The following SBF2 variants were observed in gnomAD, a reference collection of about 807,000 sequenced individuals.
SBF2 encodes the protein myotubularin-related protein 13.
A neutral mutation model predicts 225.2 loss-of-function variants in SBF2; 112 were observed. That is an observed-to-expected ratio of 0.50 (90% CI 0.43 to 0.58). The LOEUF is 0.58. Among genes scored for constraint, SBF2 ranks in the 20% least tolerant of loss-of-function variants. The pLI, the probability that SBF2 is intolerant of heterozygous loss-of-function variation, is 0.00. For synonymous variants in SBF2, 763 were observed against 773.3 expected (o/e 0.99, Z 0.22); for missense variants, 1,996 against 2,206.2 (o/e 0.90, Z 1.91).
At chr11:9,921,428 C>T (rs1863624701) in intron 16 of SBF2, among the ~76,000 whole-genome samples, 1 of 152,176 alleles carries the variant, frequency 6.6e-6, no homozygotes, top group South Asian at 2.1e-4. Flanking sequence ...TAATCAGAAA[C>T]TCTGGGTGTG....
intron 1 of SBF2, among the ~76,000 whole-genome samples, chr11:10,236,764 G>C (rs547491750): frequency 6.6e-6 from 1 of 152,080 alleles, no homozygotes; most frequent in Non-Finnish European, 1.5e-5. Context: ...GCCCAGACTC[G>C]AGTCTGTCTC....
chr11:9,856,328 G>C lies in SBF2; in HGVS notation c.2363+130C>G. ...GAAAGAAAAGCTGAGCAAGTCCAAA[G>C]GTGAGGAAAAATGGTTAACTTTTGA... On this transcript the variant is annotated intron_variant, in intron 19 of 39. Coordinates refer to ENST00000256190, the MANE Select transcript of SBF2 (RefSeq NM_030962.4). 4 of 1,191,164 alleles carry C rather than the reference G, an allele frequency of 3.4e-6. No individual in the cohort carries two copies. In the South Asian group the frequency reaches 5.0e-5, roughly 15 times the overall value. 73.8% of individuals were successfully genotyped at this position (1,191,164 alleles called of 1,614,324 possible). A position where few individuals can be genotyped will look rare whatever the true frequency, so the allele number is the denominator to read the frequency against.
intron 6 of SBF2, among the ~76,000 whole-genome samples, chr11:10,026,045 C>G (rs999715247): frequency 1.5e-5 from 2 of 131,516 alleles, no homozygotes; most frequent in Admixed American, 1.5e-4. Context: ...TTTTTTTTTT[C>G]CAGTGGGAAT....
intron 6 of SBF2, among the ~76,000 whole-genome samples, chr11:10,018,801 G>A (rs1427247693): frequency 6.6e-6 from 1 of 152,130 alleles, no homozygotes; most frequent in Non-Finnish European, 1.5e-5. Flanking sequence ...TATAGAACTA[G>A]CATAAATATT....
chr11:10,095,395 A>G (rs566404830), intron 2 of SBF2, among the ~76,000 whole-genome samples: 2 of 152,364 alleles, frequency 1.3e-5, no homozygotes, highest in Non-Finnish European at 2.9e-5. Flanking sequence ...AATGCAAGAT[A>G]TCACTTGCAC....
chr11:10,185,135 C>T (rs1009947421), intron 2 of SBF2, among the ~76,000 whole-genome samples: 1 of 151,748 alleles, frequency 6.6e-6, no homozygotes, highest in Non-Finnish European at 1.5e-5. Context: ...TGTGCGTGCA[C>T]ACGTGTATCA....
intron 16 of SBF2, among the ~76,000 whole-genome samples, chr11:9,927,957 A>G (rs1355581551): frequency 6.6e-6 from 1 of 152,228 alleles, no homozygotes; most frequent in African/African-American, 2.4e-5. Context: ...AATTAAAAAG[A>G]TAAACTAGAA....
At chr11:10,173,856 G>A (rs1239414962) in intron 2 of SBF2, among the ~76,000 whole-genome samples, 1 of 151,452 alleles carries the variant, frequency 6.6e-6, no homozygotes, top group Non-Finnish European at 1.5e-5. Context: ...CCTGACCCCT[G>A]ACCCCCGAGC....
chr11:9,850,992 T>C (rs1856887233), intron 21 of SBF2, among the ~76,000 whole-genome samples: 1 of 151,756 alleles, frequency 6.6e-6, no homozygotes, highest in South Asian at 2.1e-4. Context: ...AAAAATTAGC[T>C]GGGCATGGTG....
chr11:9,794,510 C>A (rs937020130), intron 33 of SBF2, among the ~76,000 whole-genome samples: 4 of 151,248 alleles, frequency 2.6e-5, no homozygotes, highest in Non-Finnish European at 4.4e-5. Flanking sequence ...ACTAAAAATA[C>A]AAAAATTAGC....
intron 1 of SBF2, among the ~76,000 whole-genome samples, chr11:10,255,505 C>T (rs1277546094): frequency 2.0e-5 from 3 of 152,170 alleles, no homozygotes; most frequent in Non-Finnish European, 4.4e-5. Flanking sequence ...AAATAAGTTA[C>T]TGTCAGTTCT....
intron 6 of SBF2, among the ~76,000 whole-genome samples, chr11:10,003,320 T>C (rs1387797373): frequency 2.6e-5 from 4 of 152,164 alleles, no homozygotes; most frequent in Non-Finnish European, 5.9e-5. Flanking sequence ...ATATACACTA[T>C]ATATAGAGAT....
At chr11:10,222,624 T>A (rs562502932) in intron 1 of SBF2, among the ~76,000 whole-genome samples, 1 of 152,198 alleles carries the variant, frequency 6.6e-6, no homozygotes, top group Non-Finnish European at 1.5e-5. Flanking sequence ...CAGAGCCTCA[T>A]GACTGGTCTG....
In SBF2 at chr11:9,790,560, A is replaced by G. The variant is rs1252314607; in HGVS notation, c.4694T>C (p.Ile1565Thr). The change falls in exon 34 of 40, where the codon ATA becomes ACA. Residue 1565 changes from isoleucine (I) to threonine (T), a missense_variant. Coordinates refer to ENST00000256190, the MANE Select transcript of SBF2 (RefSeq NM_030962.4). ...ATAAATGATTTCTTACTCTACCTCT[A>G]TTTCCAATGGTGAATATAAATAATT... is the stretch of plus-strand genomic sequence containing the variant. ...FFNYLYSPLE[I>T]EALKPNVNVS... 1.9e-6 allele frequency: 3 copies of G among 1,584,140 alleles called. No homozygotes were observed. Among genetic ancestry groups the G allele is most frequent in the East Asian group, 2.2e-5 (1 of 44,642 alleles).
rs186201909 is a variant in SBF2, at chr11:9,953,378, G to T, written c.1860+8579C>A. Among the ~76,000 whole-genome samples, 740 of 152,228 alleles carry T rather than the reference G, an allele frequency of 4.9e-3. 5 individuals are homozygous for T. The highest frequency in any genetic ancestry group is 0.017 in the African/African-American group (700 of 41,550). On this transcript the variant is annotated intron_variant, in intron 16 of 39. Coordinates refer to ENST00000256190, the MANE Select transcript of SBF2 (RefSeq NM_030962.4). ...GAATTGCTTAAACCTGGGAGGCAGAGGTTGCAGTGAGCCGAGATCACGCCA... is the reference window on the plus strand; with the variant it reads ...GAATTGCTTAAACCTGGGAGGCAGATGTTGCAGTGAGCCGAGATCACGCCA...
chr11:9,816,091 A>G (rs539105101), intron 29 of SBF2, among the ~76,000 whole-genome samples: 1 of 152,372 alleles, frequency 6.6e-6, no homozygotes, highest in Admixed American at 6.5e-5. Context: ...GTTAACAGAT[A>G]ACTTTCATGT....
rs769911496 is a variant in SBF2 at position 9,968,528 on chromosome 11, A to T, written c.1413T>A (p.His471Gln). The T allele has an allele frequency of 2.5e-5, 41 of 1,613,818 alleles. 1 individual carries two copies. Among genetic ancestry groups the T allele is most frequent in the Non-Finnish European group, 3.4e-6 (4 of 1,179,800 alleles). Residue 471 changes from histidine to glutamine, a missense_variant, in exon 14 of 40, where the codon CAT (histidine) becomes CAA (glutamine). His to Gln is a conservative substitution (Grantham distance 24). Transcript: ENST00000256190. Reference protein sequence around the residue: ...QLFKNENPNPHMAFQKVPRPT... With the variant: ...QLFKNENPNPQMAFQKVPRPT... ...GCCGTGGAACTTTCTGGAATGCCAT[A>T]TGAGGATTTGGATTCTCCTGTAATA...
At chr11:10,052,034 G>A (rs1375501109) in intron 2 of SBF2, among the ~76,000 whole-genome samples, 1 of 152,070 alleles carries the variant, frequency 6.6e-6, no homozygotes, top group Non-Finnish European at 1.5e-5. Context: ...TGACAGGAAT[G>A]TGAGGAAAAT....
At chr11:9,891,780 G>T (rs1195321511) in intron 17 of SBF2, among the ~76,000 whole-genome samples, 1 of 152,186 alleles carries the variant, frequency 6.6e-6, no homozygotes, top group South Asian at 2.1e-4. Flanking sequence ...CAATCCAGGG[G>T]AAAAAATAAT....
Sources: gnomAD v4.1 joint callset for allele counts (sites outside exome capture counted in the v4.1 genomes callset) on GRCh38, gnomAD v4.1.1 for gene constraint, MANE v1.5 for transcripts, NCBI Gene and HGNC (gene_info 2026-07-23, HGNC 2026-07-21) for gene names.